Variants in SLC16A1 observed in about 807,000 individuals in gnomAD.
SLC16A1 encodes the protein solute carrier family 16 member 1.
A neutral mutation model predicts 32.2 loss-of-function variants in SLC16A1; 11 were observed. The observed-to-expected ratio is 0.34, with a 90% confidence interval of 0.21 to 0.56. SLC16A1 has a LOEUF of 0.56. Among genes scored for constraint, SLC16A1 ranks in the 20% least tolerant of loss-of-function variants. The pLI is 0.87. For missense variants in SLC16A1, 435 were observed against 615.0 expected, an observed-to-expected ratio of 0.71 and a Z score of 3.10; for synonymous variants, 231 against 226.8, an observed-to-expected ratio of 1.02 and a Z score of -0.17.
At chr1:112,953,602 T>C (rs1051593896) in intron 1 of SLC16A1, among the ~76,000 whole-genome samples, 6 of 152,226 alleles carry the variant, frequency 3.9e-5, no homozygotes, top group African/African-American at 1.2e-4. Flanking sequence ...CTCCATTTTC[T>C]CATACTGTCT....
intron 1 of SLC16A1, among the ~76,000 whole-genome samples, chr1:112,931,232 G>A (rs1649116916): frequency 6.6e-6 from 1 of 151,998 alleles, no homozygotes; most frequent in Admixed American, 6.6e-5. Flanking sequence ...TCTCAGAAAA[G>A]TTTCCTTTTA....
At chr1:112,945,612 T>A (rs888149559) in intron 1 of SLC16A1, among the ~76,000 whole-genome samples, 1 of 148,866 alleles carries the variant, frequency 6.7e-6, no homozygotes, top group Admixed American at 6.7e-5. Flanking sequence ...GAGTCGGAGG[T>A]TGCAGTGAGC....
chr1:112,935,342 G>C (rs993166858), intron 1 of SLC16A1, among the ~76,000 whole-genome samples: 10 of 152,162 alleles, frequency 6.6e-5, no homozygotes, highest in African/African-American at 2.4e-4. Context: ...TTGAACCTGG[G>C]AGGTTGCAGT....
intron 1 of SLC16A1, among the ~76,000 whole-genome samples, chr1:112,933,922 T>C (rs1463899093): frequency 6.6e-6 from 1 of 152,152 alleles, no homozygotes; most frequent in Non-Finnish European, 1.5e-5. Context: ...TGATGCATAA[T>C]AGCCAAAAAC....
At chr1:112,953,279 A>C (rs539172303) in intron 1 of SLC16A1, among the ~76,000 whole-genome samples, 29 of 150,492 alleles carry the variant, frequency 1.9e-4, no homozygotes, top group African/African-American at 6.8e-4. Context: ...CTCCTGTATC[A>C]GCCTCCCAAG....
rs561013159 is a variant in SLC16A1, at chr1:112,931,644, CAAAA to C, written c.-44-2296_-44-2293del. ...TGGGCGACAGAGTAATACTCTGTCT[CAAAA>C]AAAAAAAAAAAAAAAAAAAAGTAGT... On this transcript the variant is annotated intron_variant, in intron 1 of 4. Transcript: ENST00000369626. Among the ~76,000 whole-genome samples the C allele has an allele frequency of 8.9e-4, 55 of 62,020 alleles. No homozygotes were observed. The South Asian group carries it at 0.012, about 14-fold the overall frequency. The allele number at this position is 62,020 out of a possible 152,430, so 40.7% of individuals were successfully genotyped here.
chr1:112,937,590 C>T (rs1437317119), intron 1 of SLC16A1, among the ~76,000 whole-genome samples: 1 of 151,836 alleles, frequency 6.6e-6, no homozygotes, highest in Non-Finnish European at 1.5e-5. Context: ...TTTTAACTGG[C>T]AAATCTCAGC....
At chr1:112,924,953 T>C (rs554301998) in intron 2 of SLC16A1, among the ~76,000 whole-genome samples, 57 of 152,258 alleles carry the variant, frequency 3.7e-4, no homozygotes, top group African/African-American at 1.3e-3. Context: ...TTAAGTTTCA[T>C]GGTAGTACAA....
intron 1 of SLC16A1, 23 bp from the exon 2 acceptor site, chr1:112,929,375 A>G: frequency 7.6e-7 from 1 of 1,322,170 alleles, no homozygotes; most frequent in Non-Finnish European, 1.1e-6. Flanking sequence ...AAATTAAAAT[A>G]GTATGTCAAT....
chr1:112,945,713 C>A (rs946546827), intron 1 of SLC16A1, among the ~76,000 whole-genome samples: 2 of 150,956 alleles, frequency 1.3e-5, no homozygotes, highest in Admixed American at 1.3e-4. Flanking sequence ...CTACTGTTGT[C>A]CAGGTGCGGT....
intron 2 of SLC16A1, chr1:112,923,417 G>A (rs1340758169): frequency 1.2e-5 from 8 of 656,442 alleles, no homozygotes; most frequent in South Asian, 9.8e-5. Flanking sequence ...TCCTGTTGCC[G>A]CCATCATGTC....
chr1:112,935,544 A>T (rs1649273386), intron 1 of SLC16A1, among the ~76,000 whole-genome samples: 1 of 152,206 alleles, frequency 6.6e-6, no homozygotes, highest in African/African-American at 2.4e-5. Context: ...TTCTGAAGCT[A>T]TGAAAGAAAG....
chr1:112,923,384 G>A (rs1433323313), intron 2 of SLC16A1: 5 of 595,906 alleles, frequency 8.4e-6, no homozygotes, highest in African/African-American at 3.7e-5. Context: ...ACCACTGCAC[G>A]TTGCTCCCGG....
chr1:112,937,500 C>T lies in SLC16A1; in HGVS notation c.-44-8148G>A, dbSNP rs563996418. 9.9e-4 allele frequency among the ~76,000 whole-genome samples: 150 copies of T among 152,092 alleles called. 1 individual carries two copies. The highest frequency in any genetic ancestry group is 1.8e-3 in the Non-Finnish European group (119 of 68,000). On this transcript the variant is annotated intron_variant, in intron 1 of 4. Transcript: ENST00000369626. ...CTGCCACCACCTGACAAATGGCTAT[C>T]CCTGTTAACTTAAAAATACTGATGG...
At chr1:112,921,578 C>T (rs1328905911) in intron 3 of SLC16A1, among the ~76,000 whole-genome samples, 1 of 152,080 alleles carries the variant, frequency 6.6e-6, no homozygotes, top group Admixed American at 6.6e-5. Context: ...ATTCATTATG[C>T]TCATCAACAG....
chr1:112,951,494 T>C (rs1222002462), intron 1 of SLC16A1, among the ~76,000 whole-genome samples: 1 of 152,116 alleles, frequency 6.6e-6, no homozygotes, highest in African/African-American at 2.4e-5. Context: ...AAGCAGATCA[T>C]CAATAAGAGT....
At chr1:112,921,493 T>C (rs1384923476) in intron 3 of SLC16A1, among the ~76,000 whole-genome samples, 3 of 152,216 alleles carry the variant, frequency 2.0e-5, no homozygotes, top group Admixed American at 6.5e-5. Context: ...TATCTGTGCA[T>C]AGAAAAACAC....
chr1:112,923,901 C>T (rs1482655754), intron 2 of SLC16A1: 2 of 1,525,736 alleles, frequency 1.3e-6, no homozygotes, highest in Non-Finnish European at 1.8e-6. Flanking sequence ...GGAGCTCTTC[C>T]CCTGCCTCAG....
At chr1:112,956,014 G>T (rs893789952) in intron 1 of SLC16A1, 21 bp downstream of exon 1, 2 of 152,190 alleles carry the variant, frequency 1.3e-5, no homozygotes, top group Non-Finnish European at 2.9e-5. Flanking sequence ...GCCGCGTGCC[G>T]CCGGCTGTTA....
Sources: gnomAD v4.1 joint callset for allele counts (sites outside exome capture counted in the v4.1 genomes callset) on GRCh38, gnomAD v4.1.1 for gene constraint, MANE v1.5 for transcripts, NCBI Gene and HGNC (gene_info 2026-07-23, HGNC 2026-07-21) for gene names.